SLC24A2: variants seen among roughly 807,000 people sequenced by gnomAD.
SLC24A2 encodes the protein sodium/potassium/calcium exchanger 2.
In SLC24A2, 36 loss-of-function variants were observed where a neutral mutation model predicts 62.0. The ratio of observed to expected loss-of-function variants is 0.58; its 90% CI spans 0.44 to 0.77. The LOEUF is 0.77. Among genes scored for constraint, SLC24A2 ranks in the 30% least tolerant of loss-of-function variants. SLC24A2 has a pLI of 0.00. For missense variants in SLC24A2, 846 were observed against 817.9 expected (o/e 1.03, Z -0.42); for synonymous variants, 358 against 294.0 (o/e 1.22, Z -2.23).
chr9:19,526,335 G>A (rs1207672332), intron 9 of SLC24A2, among the ~76,000 whole-genome samples: 4 of 152,132 alleles, frequency 2.6e-5, no homozygotes, highest in Admixed American at 2.0e-4. Flanking sequence ...GTTTGTGGAC[G>A]TATGTTTTCA....
intron 2 of SLC24A2, among the ~76,000 whole-genome samples, chr9:19,634,717 A>C (rs146963040): frequency 3.9e-3 from 597 of 152,354 alleles, no homozygotes; most frequent in Non-Finnish European, 6.9e-3. Flanking sequence ...CAGAAAATAG[A>C]AGTCATCTAA....
chr9:19,758,537 C>CA (rs920184439), intron 2 of SLC24A2, among the ~76,000 whole-genome samples: 40 of 152,038 alleles, frequency 2.6e-4, no homozygotes, highest in South Asian at 1.7e-3. Flanking sequence ...CTTAAACAAA[C>CA]AAAAAAAACC....
the SLC24A2 span, among the ~76,000 whole-genome samples, chr9:19,996,016 A>C: frequency 6.6e-6 from 1 of 152,258 alleles, no homozygotes; most frequent in African/African-American, 2.4e-5. Flanking sequence ...CTTTTTAAGA[A>C]GATGCATGCT....
chr9:20,105,354 G>C, the SLC24A2 span, among the ~76,000 whole-genome samples: 1 of 152,070 alleles, frequency 6.6e-6, no homozygotes, highest in Non-Finnish European at 1.5e-5. Context: ...GGACCTAATA[G>C]ACATCTACAG....
At chr9:19,924,779 C>T in the SLC24A2 span, among the ~76,000 whole-genome samples, 1 of 152,180 alleles carries the variant, frequency 6.6e-6, no homozygotes, top group Admixed American at 6.5e-5. Flanking sequence ...GACTTCTTCA[C>T]CAAAGTAACC....
At chr9:19,965,978 T>C in the SLC24A2 span, among the ~76,000 whole-genome samples, 46 of 152,350 alleles carry the variant, frequency 3.0e-4, no homozygotes, top group Admixed American at 1.0e-3. Flanking sequence ...TTATTTTACA[T>C]GAATTGATAT....
Position 19,708,197 on chromosome 9 carries a change from G to A in SLC24A2, c.930+77740C>T, listed in dbSNP as rs533678474. Among the ~76,000 whole-genome samples, 247 of 152,194 alleles carry A rather than the reference G, an allele frequency of 1.6e-3. 1 individual carries two copies. Among genetic ancestry groups the A allele is most frequent in the African/African-American group, 5.5e-3 (230 of 41,530 alleles). ...GAAATACCTAGGAATCCAACTTACA[G>A]GGGATGTGAAGGACCTCTTCAAGCA... On this transcript the variant is annotated intron_variant, in intron 2 of 10. Transcript: ENST00000341998.
the SLC24A2 span, among the ~76,000 whole-genome samples, chr9:20,010,061 C>T: frequency 5.3e-5 from 8 of 152,194 alleles, no homozygotes; most frequent in Non-Finnish European, 1.2e-4. Context: ...CAGCCAGCGG[C>T]GCTCCACCTG....
chr9:19,604,922 A>G (rs573076406), intron 4 of SLC24A2, among the ~76,000 whole-genome samples: 2 of 152,338 alleles, frequency 1.3e-5, no homozygotes, highest in South Asian at 4.1e-4. Flanking sequence ...ACAGGAATAA[A>G]TTTAAAGTAG....
the SLC24A2 span, among the ~76,000 whole-genome samples, chr9:20,244,031 G>T: frequency 2.4e-3 from 360 of 152,244 alleles, 4 homozygotes; most frequent in African/African-American, 8.4e-3. Context: ...GTGAAACTGC[G>T]CTGGCTTCAG....
At chr9:20,074,663 C>A in the SLC24A2 span, among the ~76,000 whole-genome samples, 1 of 149,498 alleles carries the variant, frequency 6.7e-6, no homozygotes. Flanking sequence ...GGGAGGGGAA[C>A]AGCTTTTATT....
At chr9:19,618,685 C>G (rs1817831237) in intron 4 of SLC24A2, among the ~76,000 whole-genome samples, 1 of 152,142 alleles carries the variant, frequency 6.6e-6, no homozygotes, top group Admixed American at 6.5e-5. Context: ...ATTCATACAA[C>G]ATGATTCGAC....
chr9:20,095,363 T>C, the SLC24A2 span, among the ~76,000 whole-genome samples: 1 of 152,358 alleles, frequency 6.6e-6, no homozygotes, highest in East Asian at 1.9e-4. Flanking sequence ...CCTAGATATT[T>C]GGTCAAACAT....
intron 2 of SLC24A2, among the ~76,000 whole-genome samples, chr9:19,721,171 A>G (rs1421551909): frequency 2.0e-5 from 3 of 152,200 alleles, no homozygotes; most frequent in Non-Finnish European, 4.4e-5. Context: ...AGAAGTTGAA[A>G]AATCACATCT....
At position 19,530,922 on chromosome 9, in the gene SLC24A2, A is replaced by G. The variant is rs529440759; in HGVS notation, c.1480-2784T>C. On this transcript the variant is annotated intron_variant, in intron 8 of 10. Transcript: ENST00000341998. ...GCCTGACTGTACCACACGTGCTCCC[A>G]ATATCTAGATTATACTGACTCTTTC... Among the ~76,000 whole-genome samples the G allele has an allele frequency of 3.9e-5, 6 of 152,316 alleles. No homozygotes were observed. The East Asian group carries it at 7.7e-4, about 20-fold the overall frequency.
At chr9:20,126,783 G>A in the SLC24A2 span, among the ~76,000 whole-genome samples, 2 of 152,106 alleles carry the variant, frequency 1.3e-5, no homozygotes, top group African/African-American at 2.4e-5. Context: ...AATTATACCA[G>A]TCCTGAATTG....
At chr9:19,843,985 T>A in the SLC24A2 span, among the ~76,000 whole-genome samples, 4 of 152,230 alleles carry the variant, frequency 2.6e-5, no homozygotes, top group Non-Finnish European at 5.9e-5. Flanking sequence ...GCAGTGAACG[T>A]ACGAGTGCAT....
At chr9:19,540,417 T>G (rs951109661) in intron 8 of SLC24A2, among the ~76,000 whole-genome samples, 6 of 149,006 alleles carry the variant, frequency 4.0e-5, no homozygotes, top group Admixed American at 4.0e-4. Context: ...ACAAAATCTC[T>G]CAGCATTTGC....
At chr9:19,980,987 T>A in the SLC24A2 span, among the ~76,000 whole-genome samples, 2 of 152,278 alleles carry the variant, frequency 1.3e-5, no homozygotes, top group Admixed American at 1.3e-4. Context: ...GACTTTTATC[T>A]CCCCAAGAGG....
Sources: allele counts gnomAD v4.1 joint callset (sites outside exome capture counted in the v4.1 genomes callset), GRCh38; gene constraint gnomAD v4.1.1; transcripts MANE v1.5; gene names NCBI Gene and HGNC (gene_info 2026-07-23, HGNC 2026-07-21).